DNAH7: variants seen among roughly 807,000 people sequenced by gnomAD.
DNAH7 encodes the protein dynein axonemal heavy chain 7, also known as axonemal beta dynein heavy chain 7.
A neutral mutation model predicts 444.6 loss-of-function variants in DNAH7; 397 were observed. The ratio of observed to expected loss-of-function variants is 0.89; its 90% CI spans 0.82 to 0.97. DNAH7 has a LOEUF of 0.97. Among genes scored for constraint, DNAH7 ranks in the 50% least tolerant of loss-of-function variants. DNAH7 has a pLI of 0.00. For synonymous variants in DNAH7, 1,636 were observed against 1,624.4 expected, an observed-to-expected ratio of 1.01 and a Z score of -0.17; for missense variants, 4,902 against 4,800.8, an observed-to-expected ratio of 1.02 and a Z score of -0.62.
At chr2:195,883,461 CAA>C (rs568366068) in intron 35 of DNAH7, among the ~76,000 whole-genome samples, 2 of 140,794 alleles carry the variant, frequency 1.4e-5, no homozygotes, top group Admixed American at 6.8e-5. Context: ...TCCCCCCCCC[CAA>C]AAAAAAAGAA....
At chr2:195,853,571 A>G (rs1168255385) in intron 45 of DNAH7, 43 bp from the exon 46 acceptor site, 1 of 1,544,190 alleles carries the variant, frequency 6.5e-7, no homozygotes, top group Admixed American at 2.1e-5. Context: ...TACAAGTATA[A>G]GAAGTTTAAA....
chr2:195,845,682 T>C (rs972531260), intron 46 of DNAH7, among the ~76,000 whole-genome samples: 1 of 152,132 alleles, frequency 6.6e-6, no homozygotes, highest in Non-Finnish European at 1.5e-5. Flanking sequence ...TGGAACAGAA[T>C]AGAGAGCACA....
Position 195,960,290 on chromosome 2 carries a change from GGA to G in DNAH7, c.2859_2860del (p.Pro954PhefsTer3). The G allele has an allele frequency of 6.2e-7, 1 of 1,612,356 alleles. No homozygotes were observed. Among genetic ancestry groups the G allele is most frequent in the South Asian group, 1.1e-5 (1 of 90,852 alleles). ...TTGTTTTTCATAAGGCTTAATGAAAGGAGATCCTCGCATAGTTTGTGTTTTAA... is the reference window on the plus strand; with the variant it reads ...TTGTTTTTCATAAGGCTTAATGAAAGGATCCTCGCATAGTTTGTGTTTTAA... On this transcript the variant is annotated frameshift_variant, in exon 18 of 65. Coordinates refer to ENST00000312428, the MANE Select transcript of DNAH7 (RefSeq NM_018897.3). LOFTEE classifies it high-confidence loss of function.
intron 8 of DNAH7, among the ~76,000 whole-genome samples, chr2:196,023,547 G>A (rs559418866): frequency 1.3e-5 from 2 of 152,254 alleles, no homozygotes; most frequent in Admixed American, 6.5e-5. Flanking sequence ...ACCTTTCTCA[G>A]CCTTTACGGA....
intron 21 of DNAH7, 128 bp from the exon 22 acceptor site, chr2:195,926,694 C>T: frequency 3.9e-6 from 3 of 767,220 alleles, no homozygotes; most frequent in Non-Finnish European, 5.7e-6. Flanking sequence ...TTATGCAAGA[C>T]TCACTTAAAC....
At chr2:195,988,378 A>C (rs1238113940) in intron 12 of DNAH7, 149 bp from the exon 13 acceptor site, 1 of 680,782 alleles carries the variant, frequency 1.5e-6, no homozygotes, top group Non-Finnish European at 2.2e-6. Context: ...ATAGAAAGAT[A>C]TTAGACTAAT....
chr2:196,036,137 T>C (rs563474819), intron 5 of DNAH7, among the ~76,000 whole-genome samples: 1 of 151,838 alleles, frequency 6.6e-6, no homozygotes, highest in Non-Finnish European at 1.5e-5. Flanking sequence ...GTTCAAGCGA[T>C]TCCCCTGCCT....
Position 195,861,850 on chromosome 2 carries a change from T to C in DNAH7, c.7603A>G (p.Lys2535Glu). Residue 2535 changes from lysine (K) to glutamate (E), a missense_variant, in exon 42 of 65, where the codon AAA (lysine) becomes GAA (glutamate). Transcript: ENST00000312428. Reference protein sequence around the residue: ...EIRDGCIDMCKSFHTSTIDLS... With the variant: ...EIRDGCIDMCESFHTSTIDLS... ...TCTATAGTAGAAGTGTGGAAGCTTTTACACATGTCGATACAGCCATCTCGT... is the reference window on the plus strand; with the variant it reads ...TCTATAGTAGAAGTGTGGAAGCTTTCACACATGTCGATACAGCCATCTCGT... The C allele has an allele frequency of 1.9e-6, 3 of 1,613,994 alleles. No homozygotes were observed. The highest frequency in any genetic ancestry group is 1.7e-4 in the Middle Eastern group (1 of 6,060).
intron 49 of DNAH7, among the ~76,000 whole-genome samples, chr2:195,821,994 T>A (rs1020736789): frequency 2.0e-5 from 3 of 152,188 alleles, no homozygotes; most frequent in African/African-American, 7.2e-5. Flanking sequence ...AGTGGGGTAT[T>A]ATCTGGGTTA....
intron 10 of DNAH7, among the ~76,000 whole-genome samples, chr2:196,006,035 C>A (rs1264230578): frequency 1.3e-5 from 2 of 152,030 alleles, no homozygotes; most frequent in African/African-American, 4.8e-5. Flanking sequence ...ATTATATGAT[C>A]ATATGTGATG....
intron 12 of DNAH7, among the ~76,000 whole-genome samples, chr2:195,991,217 T>TC (rs1693318399): frequency 6.6e-6 from 1 of 152,014 alleles, no homozygotes; most frequent in Admixed American, 6.6e-5. Flanking sequence ...GTTTGCCTAC[T>TC]CCCAATTTTG....
Position 195,970,013 on chromosome 2 carries a change from C to T in DNAH7, c.2140G>A (p.Asp714Asn), listed in dbSNP as rs1269048343. The T allele has an allele frequency of 2.5e-6, 4 of 1,612,660 alleles. No homozygotes were observed. The highest frequency in any genetic ancestry group is 3.4e-6 in the Non-Finnish European group (4 of 1,179,530). Residue 714 changes from aspartate (D) to asparagine (N), a missense_variant, in exon 17 of 65, where the codon GAT becomes AAT. Coordinates refer to ENST00000312428, the MANE Select transcript of DNAH7 (RefSeq NM_018897.3). Reference sequence around the variant, plus strand: ...GCCTTTTTTAGGTACCGCTGAACATCCTGAAGATCTCCAAATGAATAAAAT... The same window carrying T: ...GCCTTTTTTAGGTACCGCTGAACATTCTGAAGATCTCCAAATGAATAAAAT... ...EEFYSFGDLQ[D>N]VQRYLKKAQI...
Position 196,058,037 on chromosome 2 carries a change from G to A in DNAH7, c.78+17C>T, listed in dbSNP as rs372014783. 35 of 1,488,520 alleles carry A rather than the reference G, an allele frequency of 2.4e-5. No individual in the cohort carries two copies. The highest frequency in any genetic ancestry group is 2.8e-5 in the Non-Finnish European group (31 of 1,114,288). The allele number at this position is 1,488,520 out of a possible 1,614,324, so 92.2% of individuals were successfully genotyped here. A position where few individuals can be genotyped will look rare whatever the true frequency, so the allele number is the denominator to read the frequency against. On this transcript the variant is annotated intron_variant, in intron 2 of 64. Transcript: ENST00000312428. ...TATCATAAAGGAATGAAGTATGATGGTATATTGGTAAATTACCATAGACAG... is the reference window on the plus strand; with the variant it reads ...TATCATAAAGGAATGAAGTATGATGATATATTGGTAAATTACCATAGACAG...
At chr2:195,987,921 T>C in intron 13 of DNAH7, 36 bp downstream of exon 13, 2 of 1,539,666 alleles carry the variant, frequency 1.3e-6, no homozygotes. Flanking sequence ...AGATACCAGA[T>C]AGAGATAACA....
intron 62 of DNAH7, among the ~76,000 whole-genome samples, chr2:195,755,538 A>C (rs1366899068): frequency 6.6e-6 from 1 of 152,248 alleles, no homozygotes; most frequent in East Asian, 1.9e-4. Context: ...GTAGCATAAC[A>C]AAAGGCCTGA....
chr2:195,906,512 A>G, intron 27 of DNAH7, 147 bp downstream of exon 27: 1 of 552,950 alleles, frequency 1.8e-6, no homozygotes, highest in Non-Finnish European at 3.0e-6. Flanking sequence ...GCTGGTCTCA[A>G]ACACCTGAGT....
chr2:195,756,169 A>G lies in DNAH7; in HGVS notation c.11550T>C (p.Tyr3850=). 1 of 1,609,438 alleles carries G rather than the reference A, an allele frequency of 6.2e-7. No homozygotes were observed. Among genetic ancestry groups the G allele is most frequent in the Non-Finnish European group, 8.5e-7 (1 of 1,177,122 alleles). ...SYPSLKPLGS[Y]VNDFLARLKF... ...TTAGTCTTGCAAGGAAGTCATTCACATAGCTGCCAAGTGGTTTAAGGCTTG... is the reference window on the plus strand; with the variant it reads ...TTAGTCTTGCAAGGAAGTCATTCACGTAGCTGCCAAGTGGTTTAAGGCTTG... The change falls in exon 62 of 65, where the codon TAT becomes TAC. Residue 3850 remains tyrosine, a synonymous_variant. Coordinates refer to ENST00000312428, the MANE Select transcript of DNAH7 (RefSeq NM_018897.3).
intron 31 of DNAH7, among the ~76,000 whole-genome samples, chr2:195,889,220 C>A (rs949421257): frequency 6.6e-6 from 1 of 152,034 alleles, no homozygotes; most frequent in African/African-American, 2.4e-5. Flanking sequence ...CATATGTCAT[C>A]TTTTCTTAAG....
At chr2:195,816,501 A>T (rs1697224629) in intron 51 of DNAH7, 127 bp downstream of exon 51, 3 of 683,482 alleles carry the variant, frequency 4.4e-6, no homozygotes, top group Non-Finnish European at 4.9e-6. Context: ...TACGATGATT[A>T]ATCAAGTTCA....
Sources: gnomAD v4.1 joint callset for allele counts (sites outside exome capture counted in the v4.1 genomes callset) on GRCh38, gnomAD v4.1.1 for gene constraint, MANE v1.5 for transcripts, NCBI Gene and HGNC (gene_info 2026-07-23, HGNC 2026-07-21) for gene names.